Variants in LDHAL6A observed in about 807,000 individuals in gnomAD.
LDHAL6A encodes lactate dehydrogenase A like 6A.
Under a neutral mutation model 28.2 loss-of-function variants are expected in LDHAL6A, and 19 were observed. The ratio of observed to expected loss-of-function variants is 0.67; its 90% CI spans 0.47 to 0.99. The LOEUF (loss-of-function observed/expected upper bound fraction) is 0.99. LDHAL6A is among the 50% of genes least tolerant of loss of function. The pLI, the probability that LDHAL6A is intolerant of heterozygous loss-of-function variation, is 0.00. For synonymous variants in LDHAL6A, 144 were observed against 134.4 expected (o/e 1.07, Z -0.49); for missense variants, 372 against 398.6 (o/e 0.93, Z 0.57).
At chr11:18,478,492 G>A (rs567913311) in intron 6 of LDHAL6A, among the ~76,000 whole-genome samples, 17 of 152,074 alleles carry the variant, frequency 1.1e-4, no homozygotes, top group Non-Finnish European at 4.4e-5. Flanking sequence ...CCCGGGAGGC[G>A]GAGCTTGCAG....
chr11:18,478,390 C>T (rs917579899), intron 6 of LDHAL6A, among the ~76,000 whole-genome samples: 1 of 152,054 alleles, frequency 6.6e-6, no homozygotes. Flanking sequence ...TATGTCTAAT[C>T]ATGTTTTAAA....
chr11:18,467,926 C>CATATATATAT (rs1292809923), intron 3 of LDHAL6A, among the ~76,000 whole-genome samples: 7 of 55,452 alleles, frequency 1.3e-4, no homozygotes, highest in African/African-American at 6.7e-4. Context: ...TATACACACA[C>CATATATATAT]ATATATATAT....
In LDHAL6A at chr11:18,469,044, C is replaced by T. The variant is rs141293597; in HGVS notation, c.418+3234C>T. The T allele has an allele frequency of 6.6e-4, 292 of 441,150 alleles. 1 individual carries two copies. The highest frequency in any genetic ancestry group is 5.1e-3 in the African/African-American group (250 of 49,340). 27.3% of individuals were successfully genotyped at this position (441,150 alleles called of 1,614,324 possible). On this transcript the variant is annotated intron_variant, in intron 3 of 6. Transcript: ENST00000280706. Reference sequence around the variant, plus strand: ...GCTGATGATACATTATCACATTGTACAATAGTATTTTATATTTTCTTACAC... The same window carrying T: ...GCTGATGATACATTATCACATTGTATAATAGTATTTTATATTTTCTTACAC...
chr11:18,458,640 A>T (rs1057223581), intron 1 of LDHAL6A, among the ~76,000 whole-genome samples: 2 of 152,190 alleles, frequency 1.3e-5, no homozygotes, highest in Non-Finnish European at 2.9e-5. Flanking sequence ...CTCCTTGCTG[A>T]TAAGGAATTC....
intron 4 of LDHAL6A, 124 bp from the exon 5 acceptor site, chr11:18,476,260 T>C: frequency 9.6e-7 from 1 of 1,041,678 alleles, no homozygotes; most frequent in Non-Finnish European, 1.4e-6. Context: ...GGAGTGGGGC[T>C]CAGATATCGG....
chr11:18,470,967 G>A (rs765780837), intron 3 of LDHAL6A, among the ~76,000 whole-genome samples: 57 of 152,234 alleles, frequency 3.7e-4, no homozygotes, highest in South Asian at 1.2e-3. Context: ...GATTACAGGC[G>A]TGAGCCACAG....
At chr11:18,462,104 T>C (rs531176841) in intron 1 of LDHAL6A, among the ~76,000 whole-genome samples, 1 of 151,930 alleles carries the variant, frequency 6.6e-6, no homozygotes, top group Non-Finnish European at 1.5e-5. Flanking sequence ...CCTGAGAAAG[T>C]TGAGGCTGCA....
intron 3 of LDHAL6A, among the ~76,000 whole-genome samples, chr11:18,472,790 A>G (rs937289951): frequency 1.3e-5 from 2 of 152,252 alleles, no homozygotes; most frequent in African/African-American, 4.8e-5. Context: ...GAGTTGAATC[A>G]ATATTTATTT....
rs1209697435 is a variant in LDHAL6A at position 18,467,936 on chromosome 11, T to TAC, written c.418+2134_418+2135dup. Among the ~76,000 whole-genome samples, 53 of 65,010 alleles carry TAC rather than the reference T, an allele frequency of 8.2e-4. 3 individuals are homozygous for TAC. The highest frequency in any genetic ancestry group is 3.5e-3 in the African/African-American group (47 of 13,552). The allele number at this position is 65,010 out of a possible 152,430, so 42.6% of individuals were successfully genotyped here. A position where few individuals can be genotyped will look rare whatever the true frequency, so the allele number is the denominator to read the frequency against. On this transcript the variant is annotated intron_variant, in intron 3 of 6. Transcript: ENST00000280706. Reference sequence around the variant, plus strand: ...ATATATATACACACACATATATATATACACACACATATATATATACGTATA... The same window carrying TAC: ...ATATATATACACACACATATATATATACACACACACATATATATATACGTATA...
chr11:18,456,885 C>A, intron 1 of LDHAL6A, 79 bp downstream of exon 1: 2 of 1,471,952 alleles, frequency 1.4e-6, no homozygotes, highest in East Asian at 2.4e-5. Flanking sequence ...AGGTTGTGTC[C>A]AGTTCAAGGT....
chr11:18,461,530 G>A (rs193216173), intron 1 of LDHAL6A, among the ~76,000 whole-genome samples: 47 of 152,126 alleles, frequency 3.1e-4, no homozygotes, highest in Middle Eastern at 3.4e-3. Context: ...AAAAGAATAT[G>A]TAGTTAAAAG....
chr11:18,456,016 TCTC>T lies in LDHAL6A; in HGVS notation c.-662_-660del, dbSNP rs1848743845. The T allele has an allele frequency of 6.6e-6, 1 of 152,642 alleles. No homozygotes were observed. The highest frequency in any genetic ancestry group is 1.5e-5 in the Non-Finnish European group (1 of 68,370). 9.5% of individuals were successfully genotyped at this position (152,642 alleles called of 1,614,324 possible). ...CCGGCGTCTGTTAGTCGGCGGTTCA[TCTC>T]CTTCGTGCCTCGATGAGCTTTAACG... On this transcript the variant is annotated 5_prime_UTR_variant, in exon 1 of 7. Coordinates refer to ENST00000280706, the MANE Select transcript of LDHAL6A (RefSeq NM_144972.5).
intron 6 of LDHAL6A, among the ~76,000 whole-genome samples, chr11:18,478,129 ATTAGCAG>A (rs1164180596): frequency 6.6e-6 from 1 of 152,196 alleles, no homozygotes; most frequent in African/African-American, 2.4e-5. Flanking sequence ...ACACAAAATA[ATTAGCAG>A]TTAGTCTCCT....
At chr11:18,467,781 C>G (rs1849108593) in intron 3 of LDHAL6A, among the ~76,000 whole-genome samples, 1 of 147,872 alleles carries the variant, frequency 6.8e-6, no homozygotes, top group African/African-American at 2.5e-5. Flanking sequence ...TCGCTTGAAC[C>G]CAGGAGGCAG....
In LDHAL6A at chr11:18,455,874, GCCAAGCATCA is replaced by G. The variant is rs1848738556; in HGVS notation, c.-805_-796del. ...GCAGCCCGCTTCCGGCCTCACACCTGCCAAGCATCACACCTGCCAAGCATCACACCTGCCA... is the reference window on the plus strand; with the variant it reads ...GCAGCCCGCTTCCGGCCTCACACCTGCACCTGCCAAGCATCACACCTGCCA... On this transcript the variant is annotated 5_prime_UTR_variant, in exon 1 of 7. Coordinates refer to ENST00000280706, the MANE Select transcript of LDHAL6A (RefSeq NM_144972.5). The G allele has an allele frequency of 3.2e-4, 1 of 3,108 alleles. No individual in the cohort carries two copies. The highest frequency in any genetic ancestry group is 1.2e-3 in the African/African-American group (1 of 828). The allele number at this position is 3,108 out of a possible 1,614,324, so 0.2% of individuals were successfully genotyped here.
Position 18,456,779 on chromosome 11 carries a change from G to C in LDHAL6A, c.99G>C (p.Val33=), listed in dbSNP as rs1367925509. 1 of 1,613,612 alleles carries C rather than the reference G, an allele frequency of 6.2e-7. No individual in the cohort carries two copies. Among genetic ancestry groups the C allele is most frequent in the South Asian group, 1.1e-5 (1 of 90,916 alleles). ...ISIVGTGSVG[V]ACAISILLKG... is the part of the protein sequence containing the mutation. ...TTGTAGGAACTGGATCGGTTGGTGT[G>C]GCTTGTGCTATCAGCATCTTATTAA... is the stretch of plus-strand genomic sequence containing the variant. The change falls in exon 1 of 7, where the codon GTG becomes GTC. Residue 33 remains valine (V), a synonymous_variant. Coordinates refer to ENST00000280706, the MANE Select transcript of LDHAL6A (RefSeq NM_144972.5).
rs1357471081 is a variant in LDHAL6A, at chr11:18,477,668, C to CCTAT, written c.762_765dup (p.Val256IlefsTer4). 2 of 1,612,480 alleles carry CCTAT rather than the reference C, an allele frequency of 1.2e-6. No individual in the cohort carries two copies. The highest frequency in any genetic ancestry group is 2.7e-5 in the African/African-American group (2 of 74,848). ...AAGGTTATACTTCTTGGGGCATTAG[C>CCTAT]CTATCTGTAGCTGATTTAACAGAAA... On this transcript the variant is annotated frameshift_variant, in exon 6 of 7. Coordinates refer to ENST00000280706, the MANE Select transcript of LDHAL6A (RefSeq NM_144972.5). LOFTEE classifies it high-confidence loss of function.
chr11:18,466,602 C>G (rs1313862149), intron 3 of LDHAL6A, among the ~76,000 whole-genome samples: 1 of 143,840 alleles, frequency 7.0e-6, no homozygotes, highest in Non-Finnish European at 1.5e-5. Context: ...TGCAGTGAGC[C>G]ATGATTGCGC....
chr11:18,466,237 A>C (rs1486118720), intron 3 of LDHAL6A, among the ~76,000 whole-genome samples: 1 of 152,124 alleles, frequency 6.6e-6, no homozygotes, highest in Non-Finnish European at 1.5e-5. Flanking sequence ...TTTGAGGAGA[A>C]AAAGAATTTA....
Sources: allele counts gnomAD v4.1 joint callset (sites outside exome capture counted in the v4.1 genomes callset), GRCh38; gene constraint gnomAD v4.1.1; transcripts MANE v1.5; gene names NCBI Gene and HGNC (gene_info 2026-07-23, HGNC 2026-07-21).